DGKI: variants seen among roughly 807,000 people sequenced by gnomAD.
DGKI encodes the protein diacylglycerol kinase iota, also known as DAG kinase iota.
A neutral mutation model predicts 147.5 loss-of-function variants in DGKI; 55 were observed. The observed-to-expected ratio is 0.37, with a 90% CI of 0.30 to 0.47. The LOEUF is 0.47. Among genes scored for constraint, DGKI ranks in the 20% least tolerant of loss-of-function variants. DGKI has a pLI of 1.00. For missense variants in DGKI, 1,007 were observed against 1,323.8 expected, an observed-to-expected ratio of 0.76 and a Z score of 3.71; for synonymous variants, 469 against 477.1, an observed-to-expected ratio of 0.98 and a Z score of 0.22.
chr7:137,517,343 A>AAGAAAGAAAG (rs1816811122), intron 21 of DGKI, among the ~76,000 whole-genome samples: 5 of 121,858 alleles, frequency 4.1e-5, no homozygotes, highest in South Asian at 2.9e-4. Context: ...AAGAAAGAGA[A>AAGAAAGAAAG]AGAAAGAAAG....
intron 27 of DGKI, among the ~76,000 whole-genome samples, chr7:137,451,438 T>C (rs1315335001): frequency 6.6e-6 from 1 of 152,258 alleles, no homozygotes; most frequent in African/African-American, 2.4e-5. Flanking sequence ...ATACTTTTTT[T>C]AGATTGCCTT....
chr7:137,820,399 C>G (rs1797862528), intron 1 of DGKI, among the ~76,000 whole-genome samples: 1 of 152,216 alleles, frequency 6.6e-6, no homozygotes, highest in African/African-American at 2.4e-5. Context: ...CCACAGAAAA[C>G]TCTGCCACAG....
chr7:137,594,065 G>C (rs988326333), intron 12 of DGKI, among the ~76,000 whole-genome samples: 3 of 152,014 alleles, frequency 2.0e-5, no homozygotes, highest in Non-Finnish European at 4.4e-5. Context: ...TTTCTTTCTT[G>C]AGACAGAGTC....
intron 1 of DGKI, among the ~76,000 whole-genome samples, chr7:137,705,571 G>C (rs1444128033): frequency 6.6e-6 from 1 of 152,124 alleles, no homozygotes; most frequent in Admixed American, 6.6e-5. Context: ...GAGTGGAGGG[G>C]AGATGGCTGA....
At chr7:137,582,677 C>T (rs757639822) in intron 14 of DGKI, among the ~76,000 whole-genome samples, 3 of 151,978 alleles carry the variant, frequency 2.0e-5, no homozygotes, top group Admixed American at 6.6e-5. Context: ...TCCTAGAGTC[C>T]TTTGGGTCTC....
chr7:137,563,020 T>C (rs1818467506), intron 19 of DGKI, among the ~76,000 whole-genome samples: 1 of 152,048 alleles, frequency 6.6e-6, no homozygotes, highest in Non-Finnish European at 1.5e-5. Flanking sequence ...CTTAACAAAA[T>C]ATTAGTAAAC....
chr7:137,469,788 A>G (rs73445307), intron 23 of DGKI, among the ~76,000 whole-genome samples, 169 bp from the exon 24 acceptor site: 1,592 of 152,304 alleles, frequency 0.01, 28 homozygotes, highest in African/African-American at 0.036. Context: ...ATTCTTTCAC[A>G]TAGAACTTTT....
At chr7:137,422,585 T>TTTTTC in intron 28 of DGKI, among the ~76,000 whole-genome samples, 1 of 143,728 alleles carries the variant, frequency 7.0e-6, no homozygotes, top group African/African-American at 2.5e-5. Context: ...AAGCATTTTC[T>TTTTTC]TTTTCTTTTC....
chr7:137,760,762 C>A (rs1400000222), intron 1 of DGKI, among the ~76,000 whole-genome samples: 5 of 152,134 alleles, frequency 3.3e-5, no homozygotes, highest in Admixed American at 3.3e-4. Flanking sequence ...TACCACTTCA[C>A]CCAACAAGCC....
At chr7:137,754,966 G>A (rs569980201) in intron 1 of DGKI, among the ~76,000 whole-genome samples, 14 of 152,242 alleles carry the variant, frequency 9.2e-5, no homozygotes, top group Middle Eastern at 3.4e-3. Flanking sequence ...ACTTTAAAAC[G>A]TCTGCTTTCT....
chr7:137,619,883 C>G lies in DGKI; in HGVS notation c.934G>C (p.Gly312Arg). 6.2e-7 allele frequency: 1 copy of G among 1,614,006 alleles called. No individual in the cohort carries two copies. Among genetic ancestry groups the G allele is most frequent in the South Asian group, 1.1e-5 (1 of 91,076 alleles). Residue 312 changes from glycine (G) to arginine (R), a missense_variant, in exon 8 of 33, where the codon GGG becomes CGG. This residue lies in a region of DGKI where 259 missense variants were observed against 362.5 expected (regional missense o/e 0.71). Coordinates refer to ENST00000614521, the MANE Select transcript of DGKI (RefSeq NM_001321708.2). ...GGGACAATAACAGCAGCATGAGCCC[C>G]CAGGGAGCAGGGTTCTTCAATGTGA... is the stretch of plus-strand genomic sequence containing the variant. Reference protein sequence around the residue: ...LHHIEEPCSLGAHAAVIVPPT... With the variant: ...LHHIEEPCSLRAHAAVIVPPT...
intron 10 of DGKI, among the ~76,000 whole-genome samples, chr7:137,601,270 CAA>C (rs1028674381): frequency 3.3e-5 from 4 of 120,958 alleles, no homozygotes; most frequent in Admixed American, 8.6e-5. Flanking sequence ...GACTCTGTCT[CAA>C]AAAAAAAAAA....
At chr7:137,803,583 C>G (rs549004870) in intron 1 of DGKI, among the ~76,000 whole-genome samples, 244 of 152,260 alleles carry the variant, frequency 1.6e-3, no homozygotes, top group African/African-American at 5.7e-3. Context: ...CATTTATATA[C>G]AGGCATCTTG....
At chr7:137,686,372 A>G (rs1823416783) in intron 2 of DGKI, among the ~76,000 whole-genome samples, 1 of 152,204 alleles carries the variant, frequency 6.6e-6, no homozygotes, top group African/African-American at 2.4e-5. Context: ...AGACTGATCC[A>G]GATACTCTCC....
At chr7:137,717,460 A>G (rs1032593430) in intron 1 of DGKI, among the ~76,000 whole-genome samples, 1 of 152,234 alleles carries the variant, frequency 6.6e-6, no homozygotes, top group Non-Finnish European at 1.5e-5. Flanking sequence ...AAGTAAGCAC[A>G]TTGTAAGTGA....
intron 1 of DGKI, among the ~76,000 whole-genome samples, chr7:137,797,887 G>A (rs925828644): frequency 6.6e-6 from 1 of 151,396 alleles, no homozygotes. Context: ...GAAATAGAGA[G>A]GACTTAAACA....
intron 28 of DGKI, among the ~76,000 whole-genome samples, chr7:137,429,261 T>A (rs993573029): frequency 2.0e-5 from 3 of 151,030 alleles, no homozygotes; most frequent in Non-Finnish European, 3.0e-5. Flanking sequence ...TATCTACAAC[T>A]ATCTGATCTT....
At chr7:137,637,483 T>C (rs1821354356) in intron 6 of DGKI, among the ~76,000 whole-genome samples, 1 of 152,208 alleles carries the variant, frequency 6.6e-6, no homozygotes, top group African/African-American at 2.4e-5. Flanking sequence ...CTGAAACTAA[T>C]AAAGAAGAAT....
intron 1 of DGKI, among the ~76,000 whole-genome samples, chr7:137,822,386 G>A (rs1364583909): frequency 6.6e-6 from 1 of 152,114 alleles, no homozygotes; most frequent in African/African-American, 2.4e-5. Context: ...CAGCCTGGGG[G>A]ACAGAGCAAG....
Sources: allele counts gnomAD v4.1 joint callset (sites outside exome capture counted in the v4.1 genomes callset), GRCh38; gene constraint gnomAD v4.1.1; regional missense constraint gnomAD v4.1.1; transcripts MANE v1.5; gene names NCBI Gene and HGNC (gene_info 2026-07-23, HGNC 2026-07-21).